The following MAF variants were observed in gnomAD, a reference collection of about 807,000 sequenced individuals.
MAF encodes MAF bZIP transcription factor.
MAF carries 10 observed loss-of-function variants against 22.0 expected under a neutral mutation model. That is an observed-to-expected ratio of 0.45 (90% CI 0.28 to 0.77). The LOEUF is 0.77. MAF is among the 30% of genes least tolerant of loss of function. MAF has a pLI of 0.12. For synonymous variants in MAF, 337 were observed against 255.8 expected (o/e 1.32, Z -3.03); for missense variants, 544 against 548.4 (o/e 0.99, Z 0.08).
At chr16:79,569,575 G>A in the MAF span, among the ~76,000 whole-genome samples, 18 of 152,264 alleles carry the variant, frequency 1.2e-4, no homozygotes, top group Middle Eastern at 3.4e-3. Flanking sequence ...TGCCTGAATC[G>A]GAAACTCGGG....
At chr16:79,570,304 C>A in the MAF span, among the ~76,000 whole-genome samples, 1 of 152,122 alleles carries the variant, frequency 6.6e-6, no homozygotes, top group African/African-American at 2.4e-5. Context: ...TGTTATCCCC[C>A]CATCCCTCCT....
At chr16:79,532,937 G>C in the MAF span, among the ~76,000 whole-genome samples, 1 of 152,182 alleles carries the variant, frequency 6.6e-6, no homozygotes, top group African/African-American at 2.4e-5. Flanking sequence ...ATTGCTGCAA[G>C]CTGGCCTTGG....
the MAF span, among the ~76,000 whole-genome samples, chr16:79,301,618 C>G: frequency 4.5e-5 from 1 of 22,102 alleles, no homozygotes; most frequent in Non-Finnish European, 8.8e-5. Flanking sequence ...AATTTATATG[C>G]ATTTTATTAT....
the MAF span, among the ~76,000 whole-genome samples, chr16:79,431,716 T>C: frequency 6.6e-6 from 1 of 152,178 alleles, no homozygotes; most frequent in African/African-American, 2.4e-5. Flanking sequence ...CGTGATTTCA[T>C]TTGCATCACT....
At chr16:79,354,347 C>G in the MAF span, among the ~76,000 whole-genome samples, 3 of 152,076 alleles carry the variant, frequency 2.0e-5, no homozygotes, top group Non-Finnish European at 4.4e-5. Context: ...GAGGAACACA[C>G]GAGATGGTGA....
the MAF span, among the ~76,000 whole-genome samples, chr16:79,300,198 A>T: frequency 6.6e-6 from 1 of 152,220 alleles, no homozygotes; most frequent in Admixed American, 6.5e-5. Context: ...TGTATGGAAT[A>T]AAAAATTAAA....
the MAF span, among the ~76,000 whole-genome samples, chr16:79,518,138 T>A: frequency 1.9e-4 from 29 of 152,160 alleles, no homozygotes; most frequent in Non-Finnish European, 3.8e-4. Flanking sequence ...CCACAGTATC[T>A]CCCATTTGGC....
the MAF span, among the ~76,000 whole-genome samples, chr16:79,288,754 G>A: frequency 0.19 from 29,117 of 152,044 alleles, 3,308 homozygotes; most frequent in East Asian, 0.54. Flanking sequence ...TTTTGAGATA[G>A]GGTCTCGCTG....
At chr16:79,558,633 G>T in the MAF span, among the ~76,000 whole-genome samples, 1 of 152,154 alleles carries the variant, frequency 6.6e-6, no homozygotes, top group African/African-American at 2.4e-5. Context: ...AACACAGAAT[G>T]GGCATTTTCA....
chr16:79,545,924 G>T, the MAF span, among the ~76,000 whole-genome samples: 1 of 151,908 alleles, frequency 6.6e-6, no homozygotes, highest in South Asian at 2.1e-4. Flanking sequence ...ATAAGTATGT[G>T]GGGTAATGCA....
chr16:79,540,962 C>T, the MAF span, among the ~76,000 whole-genome samples: 1 of 152,122 alleles, frequency 6.6e-6, no homozygotes, highest in African/African-American at 2.4e-5. Flanking sequence ...ACCGCTAGTA[C>T]TATCACTACT....
At chr16:79,455,816 G>C in the MAF span, among the ~76,000 whole-genome samples, 1 of 152,162 alleles carries the variant, frequency 6.6e-6, no homozygotes. Flanking sequence ...TCAGGAGGTT[G>C]AGACCAGCCT....
the MAF span, among the ~76,000 whole-genome samples, chr16:79,461,748 C>T: frequency 6.6e-6 from 1 of 152,164 alleles, no homozygotes; most frequent in South Asian, 2.1e-4. Context: ...CACATGTGCC[C>T]ATGTGGTTGG....
the MAF span, among the ~76,000 whole-genome samples, chr16:79,258,293 G>A: frequency 3.9e-5 from 6 of 152,182 alleles, no homozygotes; most frequent in Non-Finnish European, 8.8e-5. Context: ...AGCATGCAGG[G>A]TCCGGGAGCC....
At chr16:79,294,504 G>A in the MAF span, among the ~76,000 whole-genome samples, 2 of 152,122 alleles carry the variant, frequency 1.3e-5, no homozygotes, top group Non-Finnish European at 2.9e-5. Flanking sequence ...CCTAGTTCAT[G>A]CCACTGATAG....
At chr16:79,275,639 A>G in the MAF span, among the ~76,000 whole-genome samples, 1 of 152,212 alleles carries the variant, frequency 6.6e-6, no homozygotes, top group Non-Finnish European at 1.5e-5. Context: ...CCCCATTGTC[A>G]GTCATGGCTA....
At chr16:79,564,145 G>C in the MAF span, among the ~76,000 whole-genome samples, 1 of 152,226 alleles carries the variant, frequency 6.6e-6, no homozygotes, top group Non-Finnish European at 1.5e-5. Context: ...CTGCTAAGTG[G>C]CTTTCACTAC....
chr16:79,272,058 T>A, the MAF span, among the ~76,000 whole-genome samples: 1 of 151,868 alleles, frequency 6.6e-6, no homozygotes, highest in Non-Finnish European at 1.5e-5. Context: ...GACAGGTACG[T>A]GTGAGCCAAT....
the MAF span, among the ~76,000 whole-genome samples, chr16:79,442,274 A>G: frequency 6.6e-6 from 1 of 152,342 alleles, no homozygotes; most frequent in Admixed American, 6.5e-5. Context: ...ATAATCCTTG[A>G]AATAATTGGG....
Sources: gnomAD v4.1 joint callset for allele counts (sites outside exome capture counted in the v4.1 genomes callset) on GRCh38, gnomAD v4.1.1 for gene constraint, MANE v1.5 for transcripts, NCBI Gene and HGNC (gene_info 2026-07-23, HGNC 2026-07-21) for gene names.